Variants in OPRM1 observed in about 807,000 individuals in gnomAD.
OPRM1 encodes the protein opioid receptor mu 1.
OPRM1 carries 27 observed loss-of-function variants against 31.8 expected under a neutral mutation model. The ratio of observed to expected loss-of-function variants is 0.85; its 90% confidence interval spans 0.63 to 1.17. OPRM1 has a LOEUF of 1.17. Among genes scored for constraint, OPRM1 ranks in the 50% most tolerant of loss-of-function variants. OPRM1 has a pLI of 0.00. For missense variants in OPRM1, 536 were observed against 511.1 expected, an observed-to-expected ratio of 1.05 and a Z score of -0.47; for synonymous variants, 196 against 189.9, an observed-to-expected ratio of 1.03 and a Z score of -0.26.
At chr6:154,092,179 A>G (rs1435839725) in intron 3 of OPRM1, among the ~76,000 whole-genome samples, 2 of 151,342 alleles carry the variant, frequency 1.3e-5, no homozygotes, top group Non-Finnish European at 2.9e-5. Context: ...TGGAAGGTGT[A>G]TTTCTGTGCC....
intron 3 of OPRM1, among the ~76,000 whole-genome samples, chr6:154,180,412 A>ATTTTTTTT (rs1301879776): frequency 5.9e-5 from 3 of 50,808 alleles, no homozygotes; most frequent in Non-Finnish European, 8.6e-5. Context: ...ATATATATAT[A>ATTTTTTTT]TATTTTTTTT....
In OPRM1 at chr6:154,077,453, G is replaced by A. The variant is rs1258625118; in HGVS notation, c.291-12373G>A. The stretch of plus-strand genomic sequence containing the variant: ...GTTTTTTAAAAAACAAAATAAGGCC[G>A]TGTATGGTGGCTCACGCCTGTAATC... On this transcript the variant is annotated intron_variant, in intron 1 of 3. Coordinates refer to ENST00000330432, the MANE Select transcript of OPRM1 (RefSeq NM_000914.5). Among the ~76,000 whole-genome samples the A allele has an allele frequency of 3.3e-5, 5 of 150,830 alleles. No homozygotes were observed. The South Asian group carries it at 8.6e-4, about 26-fold the overall frequency.
At chr6:154,034,329 G>A (rs531800528), upstream of OPRM1, among the ~76,000 whole-genome samples, 1 of 152,308 alleles carries the variant, frequency 6.6e-6, no homozygotes, top group East Asian at 1.9e-4. Flanking sequence ...CAGATGACGA[G>A]GTCAGGAGAT....
intron 3 of OPRM1, among the ~76,000 whole-genome samples, chr6:154,196,014 A>T (rs2128587444): frequency 6.6e-6 from 1 of 150,500 alleles, no homozygotes; most frequent in East Asian, 2.0e-4. Context: ...CTGGTCTCGA[A>T]CTCCTGACCT....
intron 1 of OPRM1, among the ~76,000 whole-genome samples, chr6:154,011,463 A>AT (rs1488885190): frequency 1.3e-5 from 2 of 152,150 alleles, no homozygotes; most frequent in African/African-American, 4.8e-5. Flanking sequence ...CAAAAGTGGT[A>AT]TTTTTTAGTG....
chr6:154,089,854 A>T lies in OPRM1; in HGVS notation c.319A>T (p.Ile107Phe). 6.2e-7 allele frequency: 1 copy of T among 1,613,718 alleles called. No individual in the cohort carries two copies. The highest frequency in any genetic ancestry group is 1.1e-5 in the South Asian group (1 of 91,018). The stretch of plus-strand genomic sequence containing the variant: ...CACCAAGATGAAGACTGCCACCAAC[A>T]TCTACATTTTCAACCTTGCTCTGGC... ...RYTKMKTATN[I>F]YIFNLALADA... Residue 107 changes from isoleucine (I) to phenylalanine (F), a missense_variant, in exon 2 of 4, where the codon ATC becomes TTC. Transcript: ENST00000330432.
At chr6:154,173,124 A>T (rs75684686) in intron 3 of OPRM1, among the ~76,000 whole-genome samples, 5,809 of 152,310 alleles carry the variant, frequency 0.038, 356 homozygotes, top group African/African-American at 0.13. Flanking sequence ...TAGCATCAAC[A>T]TCAACAAAAA....
At chr6:154,040,966 G>A (rs940688817) in intron 1 of OPRM1, among the ~76,000 whole-genome samples, 3 of 150,604 alleles carry the variant, frequency 2.0e-5, no homozygotes, top group Non-Finnish European at 4.4e-5. Context: ...TTCCTAATTC[G>A]AGGGTTTTTT....
At chr6:154,177,658 T>C (rs1800456029) in intron 3 of OPRM1, among the ~76,000 whole-genome samples, 2 of 152,178 alleles carry the variant, frequency 1.3e-5, no homozygotes, top group Non-Finnish European at 2.9e-5. Context: ...GGAGAGGATG[T>C]GGAGAAATAG....
intron 3 of OPRM1, among the ~76,000 whole-genome samples, chr6:154,173,084 T>C (rs12196165): frequency 0.15 from 23,117 of 152,178 alleles, 2,040 homozygotes; most frequent in East Asian, 0.41. Flanking sequence ...GTCCTGTCTG[T>C]TACAAGGAAA....
intron 3 of OPRM1, among the ~76,000 whole-genome samples, chr6:154,140,518 C>G (rs1798174453): frequency 6.6e-6 from 1 of 151,976 alleles, no homozygotes; most frequent in Non-Finnish European, 1.5e-5. Flanking sequence ...TTAGTTGAGA[C>G]AGGGTTTCGC....
intron 3 of OPRM1, among the ~76,000 whole-genome samples, chr6:154,103,109 T>A (rs534507506): frequency 4.6e-5 from 7 of 152,174 alleles, no homozygotes; most frequent in Non-Finnish European, 1.0e-4. Flanking sequence ...CTGAATGAGG[T>A]CAAATCTCAT....
At chr6:154,246,655 T>C (rs1189004400) in intron 3 of OPRM1, 1 of 1,614,120 alleles carries the variant, frequency 6.2e-7, no homozygotes, top group South Asian at 1.1e-5. Flanking sequence ...TTTCCATTTG[T>C]TGCTTAGGAA....
chr6:154,193,250 A>C (rs1802092281), intron 3 of OPRM1, among the ~76,000 whole-genome samples: 1 of 152,222 alleles, frequency 6.6e-6, no homozygotes, highest in South Asian at 2.1e-4. Flanking sequence ...CCATTATTCT[A>C]AGTGAAGTAA....
Position 154,118,965 on chromosome 6 carries a change from A to G in OPRM1, c.*244A>G. 8.0e-7 allele frequency: 1 copy of G among 1,256,964 alleles called. No homozygotes were observed. Among genetic ancestry groups the G allele is most frequent in the Non-Finnish European group, 1.0e-6 (1 of 1,000,082 alleles). 77.9% of individuals were successfully genotyped at this position (1,256,964 alleles called of 1,614,324 possible). ...GGAGTCCAGTTTGTGCAAGACACCCAGTGGAACCAAAACCCATCGTGGTAT... is the reference window on the plus strand; with the variant it reads ...GGAGTCCAGTTTGTGCAAGACACCCGGTGGAACCAAAACCCATCGTGGTAT... On this transcript the variant is annotated 3_prime_UTR_variant, in exon 4 of 4. Coordinates refer to ENST00000330432, the MANE Select transcript of OPRM1 (RefSeq NM_000914.5).
intron 3 of OPRM1, among the ~76,000 whole-genome samples, chr6:154,218,662 G>T (rs570358140): frequency 1.3e-5 from 2 of 152,342 alleles, no homozygotes; most frequent in African/African-American, 4.8e-5. Context: ...TCTTGTGGGA[G>T]AAGGGAGAAG....
chr6:154,135,905 T>G (rs1798049140), downstream of OPRM1, among the ~76,000 whole-genome samples: 1 of 152,228 alleles, frequency 6.6e-6, no homozygotes. Flanking sequence ...AGAAAAAAAT[T>G]GAAAGCATTT....
chr6:154,115,512 C>T (rs1156329087), intron 3 of OPRM1, among the ~76,000 whole-genome samples: 1 of 152,034 alleles, frequency 6.6e-6, no homozygotes, highest in Non-Finnish European at 1.5e-5. Flanking sequence ...TGCACTCCAG[C>T]CTGGGTGACA....
intron 1 of OPRM1, chr6:154,087,201 C>T: frequency 4.1e-6 from 4 of 985,300 alleles, no homozygotes; most frequent in Non-Finnish European, 4.8e-6. Context: ...GTATTGCAGA[C>T]CAGATCAGGT....
Sources: allele counts gnomAD v4.1 joint callset (sites outside exome capture counted in the v4.1 genomes callset), GRCh38; gene constraint gnomAD v4.1.1; transcripts MANE v1.5; gene names NCBI Gene and HGNC (gene_info 2026-07-23, HGNC 2026-07-21).